Variants in MACROD2 observed in about 807,000 individuals in gnomAD.
MACROD2 encodes mono-ADP ribosylhydrolase 2.
A neutral mutation model predicts 70.4 loss-of-function variants in MACROD2; 36 were observed. The observed-to-expected ratio is 0.51, with a 90% CI of 0.39 to 0.68. The LOEUF (loss-of-function observed/expected upper bound fraction) is 0.68, where lower values mean the gene tolerates loss of function less well. Among genes scored for constraint, MACROD2 ranks in the 30% least tolerant of loss-of-function variants. The probability of loss-of-function intolerance (pLI) is 0.00; values close to 1 mark genes in which losing one functional copy is unlikely to be tolerated. For missense variants in MACROD2, 496 were observed against 538.4 expected (o/e 0.92, Z 0.78); for synonymous variants, 172 against 178.8 (o/e 0.96, Z 0.30).
At chr20:14,468,764 C>T (rs980505464) in intron 3 of MACROD2, among the ~76,000 whole-genome samples, 1 of 152,062 alleles carries the variant, frequency 6.6e-6, no homozygotes, top group Non-Finnish European at 1.5e-5. Flanking sequence ...CCCGCCTTGG[C>T]CTCCCAAAGT....
At chr20:15,023,767 A>T (rs1409166952) in intron 5 of MACROD2, among the ~76,000 whole-genome samples, 2 of 152,102 alleles carry the variant, frequency 1.3e-5, no homozygotes, top group Non-Finnish European at 2.9e-5. Context: ...ATTCGCTCCT[A>T]TGACGTGGGA....
At chr20:14,689,914 A>G (rs189198706) in intron 5 of MACROD2, among the ~76,000 whole-genome samples, 55 of 152,342 alleles carry the variant, frequency 3.6e-4, no homozygotes, top group Middle Eastern at 3.4e-3. Context: ...CTGGTTGATA[A>G]TTGGTAGTAG....
At chr20:14,671,304 A>C (rs1275517264) in intron 4 of MACROD2, among the ~76,000 whole-genome samples, 1 of 152,150 alleles carries the variant, frequency 6.6e-6, no homozygotes, top group South Asian at 2.1e-4. Context: ...TACATCTTTA[A>C]CATACTCTGG....
intron 8 of MACROD2, among the ~76,000 whole-genome samples, chr20:15,794,187 A>G (rs1377254429): frequency 6.6e-6 from 1 of 152,112 alleles, no homozygotes; most frequent in East Asian, 1.9e-4. Flanking sequence ...ATTTAGAGCA[A>G]TAACAACAAC....
At chr20:14,528,932 G>A (rs757988291) in intron 4 of MACROD2, among the ~76,000 whole-genome samples, 4 of 152,118 alleles carry the variant, frequency 2.6e-5, no homozygotes, top group Admixed American at 1.3e-4. Flanking sequence ...ACTAGAGCAC[G>A]GATTAGGTAC....
chr20:14,834,842 G>A (rs1028193829), intron 5 of MACROD2, among the ~76,000 whole-genome samples: 13 of 151,924 alleles, frequency 8.6e-5, no homozygotes, highest in African/African-American at 3.1e-4. Context: ...ATGTCTATGA[G>A]AATATGTGTG....
chr20:14,067,776 A>G (rs1248470996), intron 2 of MACROD2, among the ~76,000 whole-genome samples: 3 of 152,150 alleles, frequency 2.0e-5, no homozygotes, highest in Non-Finnish European at 2.9e-5. Flanking sequence ...TATTTAAAGA[A>G]CTTCTGGATC....
chr20:14,765,234 C>T (rs1225793231), intron 5 of MACROD2, among the ~76,000 whole-genome samples: 1 of 152,074 alleles, frequency 6.6e-6, no homozygotes, highest in African/African-American at 2.4e-5. Flanking sequence ...TATTCCCTCC[C>T]CGCTTTCTCT....
At chr20:15,010,207 C>T (rs1410926594) in intron 5 of MACROD2, among the ~76,000 whole-genome samples, 1 of 152,024 alleles carries the variant, frequency 6.6e-6, no homozygotes, top group Non-Finnish European at 1.5e-5. Context: ...ATAGCATTAC[C>T]CTATCTTCCC....
intron 6 of MACROD2, among the ~76,000 whole-genome samples, chr20:15,333,738 G>A (rs1277309448): frequency 6.6e-6 from 1 of 151,508 alleles, no homozygotes; most frequent in Non-Finnish European, 1.5e-5. Flanking sequence ...GTATTATATG[G>A]AGTATGACAC....
At position 13,995,850 on chromosome 20, in the gene MACROD2, G is replaced by GGGGGT; in HGVS notation, c.46+41_46+42insGGGGT. On this transcript the variant is annotated intron_variant, in intron 1 of 17. Transcript: ENST00000684519. The surrounding 1 kb of genome is among the most constrained non-coding windows in gnomAD (Gnocchi z 4.3). ...AGTCCTGGGGGTGCGGGCGGTGGGGGTTAGGGTGGGGGCGGGGGTCAGGCT... is the reference window on the plus strand; with the variant it reads ...AGTCCTGGGGGTGCGGGCGGTGGGGGGGGGTTTAGGGTGGGGGCGGGGGTCAGGCT... The GGGGGT allele has an allele frequency of 2.4e-5, 12 of 505,092 alleles. No homozygotes were observed. Among genetic ancestry groups the GGGGGT allele is most frequent in the Non-Finnish European group, 3.4e-5 (9 of 266,318 alleles). 31.3% of individuals were successfully genotyped at this position (505,092 alleles called of 1,614,324 possible).
chr20:15,520,214 G>C (rs570176884), intron 8 of MACROD2, among the ~76,000 whole-genome samples: 1 of 152,002 alleles, frequency 6.6e-6, no homozygotes, highest in Non-Finnish European at 1.5e-5. Context: ...GTGGTATCAC[G>C]AAGCTTTTAT....
chr20:14,230,669 C>CCATATATATATATA lies in MACROD2; in HGVS notation c.271+144941_271+144942insCATATATATATATA, dbSNP rs1388842581. Among the ~76,000 whole-genome samples, 40 of 92,916 alleles carry CCATATATATATATA rather than the reference C, an allele frequency of 4.3e-4. 1 individual carries two copies. Among genetic ancestry groups the CCATATATATATATA allele is most frequent in the East Asian group, 9.0e-4 (2 of 2,222 alleles). The allele number at this position is 92,916 out of a possible 152,430, so 61.0% of individuals were successfully genotyped here. ...TATATATATATAACACAGGCTGGGC[C>CCATATATATATATA]TATATATATATATATATATATATAT... On this transcript the variant is annotated intron_variant, in intron 3 of 17. Transcript: ENST00000684519.
chr20:16,012,291 C>T lies in MACROD2; in HGVS notation c.1153+25133C>T, dbSNP rs116376264. Among the ~76,000 whole-genome samples the T allele has an allele frequency of 7.3e-3, 1,106 of 152,300 alleles. 18 individuals carry two copies. Among genetic ancestry groups the T allele is most frequent in the African/African-American group, 0.025 (1,057 of 41,568 alleles). On this transcript the variant is annotated intron_variant, in intron 15 of 17. Transcript: ENST00000684519. ...TTTCCCCACATTAGAGAGGACACAC[C>T]GTGAGGTAGACTTTCCATTTGCTTT... is the stretch of plus-strand genomic sequence containing the variant.
intron 3 of MACROD2, among the ~76,000 whole-genome samples, chr20:14,274,808 AC>A (rs2082234458): frequency 6.6e-6 from 1 of 151,548 alleles, no homozygotes. Context: ...GTCTCAGGAT[AC>A]AAAATCAATG....
chr20:15,587,312 G>T (rs2048616132), intron 8 of MACROD2, among the ~76,000 whole-genome samples: 1 of 152,152 alleles, frequency 6.6e-6, no homozygotes, highest in Admixed American at 6.5e-5. Context: ...ACCTCTGGCT[G>T]GGTCCCTCCC....
chr20:14,459,113 AGC>A (rs1487004343), intron 3 of MACROD2, among the ~76,000 whole-genome samples: 9 of 152,204 alleles, frequency 5.9e-5, no homozygotes, highest in Middle Eastern at 6.8e-3. Context: ...TGAGTCTTGT[AGC>A]AGGTAAGACA....
At chr20:15,713,863 C>A (rs973637277) in intron 8 of MACROD2, among the ~76,000 whole-genome samples, 3 of 151,954 alleles carry the variant, frequency 2.0e-5, no homozygotes, top group African/African-American at 7.3e-5. Context: ...AACTCATAGT[C>A]CATGAAATCC....
At chr20:14,174,098 GC>G (rs2081244796) in intron 3 of MACROD2, among the ~76,000 whole-genome samples, 1 of 152,138 alleles carries the variant, frequency 6.6e-6, no homozygotes, top group South Asian at 2.1e-4. Flanking sequence ...GTGTTGGTTT[GC>G]CTCCAGTCAG....
Sources: gnomAD v4.1 joint callset for allele counts (sites outside exome capture counted in the v4.1 genomes callset) on GRCh38, gnomAD v4.1.1 for gene constraint, Gnocchi (gnomAD v3.1) non-coding constraint, MANE v1.5 for transcripts, NCBI Gene and HGNC (gene_info 2026-07-23, HGNC 2026-07-21) for gene names.